CDH8: variants seen among roughly 807,000 people sequenced by gnomAD.
The protein encoded by CDH8 is cadherin-8.
A neutral mutation model predicts 68.1 loss-of-function variants in CDH8; 17 were observed. The observed-to-expected ratio is 0.25, with a 90% CI of 0.17 to 0.37. CDH8 has a LOEUF of 0.37. CDH8 is among the 10% of genes least tolerant of loss of function. CDH8 has a pLI of 1.00. For synonymous variants in CDH8, 372 were observed against 365.1 expected (o/e 1.02, Z -0.21); for missense variants, 763 against 999.3 (o/e 0.76, Z 3.19).
intron 4 of CDH8, among the ~76,000 whole-genome samples, chr16:61,845,983 G>C (rs758733611): frequency 6.6e-6 from 1 of 152,018 alleles, no homozygotes; most frequent in Non-Finnish European, 1.5e-5. Context: ...CTACAGATCG[G>C]TACTTAAACT....
intron 2 of CDH8, among the ~76,000 whole-genome samples, chr16:62,004,846 G>C (rs1567564873): frequency 6.6e-6 from 1 of 152,198 alleles, no homozygotes; most frequent in Non-Finnish European, 1.5e-5. Flanking sequence ...ATCTCTCTTA[G>C]CCCAAGCCCT....
At chr16:61,777,932 T>C (rs1419004573) in intron 8 of CDH8, among the ~76,000 whole-genome samples, 1 of 152,132 alleles carries the variant, frequency 6.6e-6, no homozygotes, top group African/African-American at 2.4e-5. Flanking sequence ...GTTTTCACTT[T>C]CCTTCACTGT....
At chr16:61,817,396 C>T in intron 7 of CDH8, 83 bp downstream of exon 7, 1 of 1,373,256 alleles carries the variant, frequency 7.3e-7, no homozygotes, top group Non-Finnish European at 1.0e-6. Context: ...AAGGAGAGCC[C>T]CACAGAAGGT....
chr16:62,000,556 T>G (rs1965878474), intron 2 of CDH8, among the ~76,000 whole-genome samples: 1 of 152,242 alleles, frequency 6.6e-6, no homozygotes, highest in Non-Finnish European at 1.5e-5. Context: ...CATCTACTAG[T>G]GTTAGATGGT....
intron 2 of CDH8, among the ~76,000 whole-genome samples, chr16:61,929,513 A>G (rs981336589): frequency 2.0e-5 from 3 of 152,230 alleles, no homozygotes; most frequent in African/African-American, 7.2e-5. Context: ...TGAGCTTACC[A>G]GCAGTGATTT....
chr16:61,887,358 A>G (rs1322042037), intron 3 of CDH8, among the ~76,000 whole-genome samples: 1 of 152,214 alleles, frequency 6.6e-6, no homozygotes, highest in Non-Finnish European at 1.5e-5. Flanking sequence ...ACACTAATAC[A>G]GCTGCCATAA....
chr16:61,878,597 A>G (rs915947310), intron 3 of CDH8, among the ~76,000 whole-genome samples: 2 of 152,180 alleles, frequency 1.3e-5, no homozygotes, highest in Non-Finnish European at 2.9e-5. Flanking sequence ...GGTCCGTAGT[A>G]GGAGTAATGA....
At chr16:61,822,761 T>A (rs992734488) in intron 5 of CDH8, among the ~76,000 whole-genome samples, 1 of 151,880 alleles carries the variant, frequency 6.6e-6, no homozygotes, top group Non-Finnish European at 1.5e-5. Flanking sequence ...AAGTAAGGTT[T>A]GAGATGATCC....
At chr16:61,892,644 C>T (rs968671159) in intron 3 of CDH8, among the ~76,000 whole-genome samples, 1 of 152,046 alleles carries the variant, frequency 6.6e-6, no homozygotes, top group African/African-American at 2.4e-5. Context: ...ATGGAGATTC[C>T]TGTCTCCATT....
At chr16:61,671,240 A>G (rs903283981) in intron 10 of CDH8, among the ~76,000 whole-genome samples, 3 of 152,174 alleles carry the variant, frequency 2.0e-5, no homozygotes, top group Admixed American at 6.6e-5. Flanking sequence ...ATTTCAAACA[A>G]ATGTTGTTGG....
At chr16:62,009,857 A>G (rs1434177303) in intron 2 of CDH8, among the ~76,000 whole-genome samples, 4 of 152,234 alleles carry the variant, frequency 2.6e-5, no homozygotes, top group Admixed American at 6.5e-5. Context: ...GCAATTTTCA[A>G]TAAAACCATT....
chr16:61,903,375 G>C (rs573335672), intron 2 of CDH8, among the ~76,000 whole-genome samples: 209 of 152,344 alleles, frequency 1.4e-3, no homozygotes, highest in African/African-American at 4.9e-3. Context: ...CCAGGCTGGA[G>C]TGCAGTGACG....
At chr16:61,884,744 A>G (rs1412069055) in intron 3 of CDH8, among the ~76,000 whole-genome samples, 1 of 152,202 alleles carries the variant, frequency 6.6e-6, no homozygotes, top group Non-Finnish European at 1.5e-5. Context: ...TACAGAATAC[A>G]CACAACATAA....
At chr16:61,754,001 C>T (rs545358336) in intron 8 of CDH8, among the ~76,000 whole-genome samples, 5 of 152,112 alleles carry the variant, frequency 3.3e-5, no homozygotes, top group South Asian at 2.1e-4. Flanking sequence ...ATATGCTACC[C>T]GTAAGAAATG....
intron 8 of CDH8, among the ~76,000 whole-genome samples, chr16:61,760,869 A>G (rs1008863669): frequency 2.0e-5 from 3 of 152,178 alleles, no homozygotes; most frequent in African/African-American, 4.8e-5. Context: ...ATATCAAACA[A>G]AGACGAGTCA....
rs563060110 is a variant in CDH8, at chr16:61,717,316, A to G, written c.1537-3358T>C. 4.6e-5 allele frequency among the ~76,000 whole-genome samples: 7 copies of G among 151,788 alleles called. No individual in the cohort carries two copies. In the South Asian group the frequency reaches 1.5e-3, roughly 31 times the overall value. Reference sequence around the variant, plus strand: ...ATGTTGGGATAAGGAAAAGAAGTCCAGAACCATGCTTGGATTTTCAGAGGA... The same window carrying G: ...ATGTTGGGATAAGGAAAAGAAGTCCGGAACCATGCTTGGATTTTCAGAGGA... On this transcript the variant is annotated intron_variant, in intron 9 of 11. Coordinates refer to ENST00000577390, the MANE Select transcript of CDH8 (RefSeq NM_001796.5).
chr16:61,981,199 G>T (rs1965523160), intron 2 of CDH8, among the ~76,000 whole-genome samples: 1 of 152,154 alleles, frequency 6.6e-6, no homozygotes, highest in South Asian at 2.1e-4. Flanking sequence ...CTTAAATAGT[G>T]AAGTAAGGAC....
chr16:61,872,075 A>T (rs150646926), intron 3 of CDH8, among the ~76,000 whole-genome samples: 9 of 152,276 alleles, frequency 5.9e-5, no homozygotes, highest in African/African-American at 2.2e-4. Context: ...ACCAACTTGG[A>T]ATCTCAGAGG....
intron 7 of CDH8, among the ~76,000 whole-genome samples, chr16:61,816,881 T>C (rs566451384): frequency 1.3e-5 from 2 of 152,228 alleles, no homozygotes; most frequent in South Asian, 4.1e-4. Context: ...CAGAGGGTAT[T>C]TTTGAAATGG....
Sources: gnomAD v4.1 joint callset for allele counts (sites outside exome capture counted in the v4.1 genomes callset) on GRCh38, gnomAD v4.1.1 for gene constraint, MANE v1.5 for transcripts, NCBI Gene and HGNC (gene_info 2026-07-23, HGNC 2026-07-21) for gene names.